Variants in TXLNB observed in about 807,000 individuals in gnomAD.
TXLNB encodes beta-taxilin.
TXLNB carries 37 observed loss-of-function variants against 57.4 expected under a neutral mutation model. The observed-to-expected ratio is 0.64, with a 90% CI of 0.50 to 0.85. The LOEUF (loss-of-function observed/expected upper bound fraction) is 0.85, where lower values mean the gene tolerates loss of function less well. Among genes scored for constraint, TXLNB ranks in the 40% least tolerant of loss-of-function variants. The pLI is 0.00. For synonymous variants in TXLNB, 302 were observed against 309.6 expected, an observed-to-expected ratio of 0.98 and a Z score of 0.26; for missense variants, 848 against 825.6, an observed-to-expected ratio of 1.03 and a Z score of -0.33.
intron 3 of TXLNB, among the ~76,000 whole-genome samples, chr6:139,272,272 G>A (rs9495403): frequency 0.046 from 6,928 of 152,006 alleles, 534 homozygotes; most frequent in African/African-American, 0.16. Flanking sequence ...GTGCCACTGC[G>A]CTCCAGCCTG....
the TXLNB span, among the ~76,000 whole-genome samples, chr6:139,215,675 C>T: frequency 6.6e-6 from 1 of 152,178 alleles, no homozygotes; most frequent in Non-Finnish European, 1.5e-5. Context: ...AAACTACCAT[C>T]AGAGTGAACA....
At chr6:139,247,135 T>C (rs535373007) in intron 8 of TXLNB, among the ~76,000 whole-genome samples, 3 of 152,050 alleles carry the variant, frequency 2.0e-5, no homozygotes, top group African/African-American at 7.2e-5. Flanking sequence ...ATATAAAAGT[T>C]TTTTGGTTTT....
the TXLNB span, among the ~76,000 whole-genome samples, chr6:139,175,676 G>C: frequency 6.6e-6 from 1 of 152,144 alleles, no homozygotes; most frequent in East Asian, 1.9e-4. Context: ...ACAAACTTGG[G>C]ATGTTTTACC....
At chr6:139,177,254 C>T in the TXLNB span, 1 of 553,552 alleles carries the variant, frequency 1.8e-6, no homozygotes, top group Non-Finnish European at 3.2e-6. This position sits in a 1 kb window ranked among gnomAD's most constrained non-coding sequence, Gnocchi z 4.9. Flanking sequence ...TAGGGGCTGC[C>T]CTTGCCCTGT....
the TXLNB span, among the ~76,000 whole-genome samples, chr6:139,202,833 G>A: frequency 2.2e-4 from 34 of 152,102 alleles, no homozygotes; most frequent in Non-Finnish European, 4.6e-4. Flanking sequence ...TTTTGTATCT[G>A]TAAACCGCCT....
the TXLNB span, among the ~76,000 whole-genome samples, chr6:139,171,252 T>C: frequency 1.3e-5 from 2 of 152,120 alleles, no homozygotes; most frequent in Admixed American, 1.3e-4. Context: ...AAGGAGGATA[T>C]GATAAACCCA....
At chr6:139,222,825 C>A in the TXLNB span, among the ~76,000 whole-genome samples, 2,317 of 152,124 alleles carry the variant, frequency 0.015, 48 homozygotes, top group African/African-American at 0.052. Context: ...ACAACAATAA[C>A]AACAAAAACA....
At chr6:139,309,915 T>C in the TXLNB span, among the ~76,000 whole-genome samples, 1 of 152,142 alleles carries the variant, frequency 6.6e-6, no homozygotes, top group Non-Finnish European at 1.5e-5. Context: ...CTGGAAAAAC[T>C]AGATTACCAT....
At chr6:139,313,299 C>G in the TXLNB span, among the ~76,000 whole-genome samples, 1 of 152,144 alleles carries the variant, frequency 6.6e-6, no homozygotes, top group Non-Finnish European at 1.5e-5. Context: ...GTCTCGATCT[C>G]CTGATCTTGT....
chr6:139,168,151 T>C, the TXLNB span, among the ~76,000 whole-genome samples: 4 of 152,216 alleles, frequency 2.6e-5, no homozygotes, highest in African/African-American at 9.7e-5. Flanking sequence ...GTTTTTGACA[T>C]CGTGATTGTA....
the TXLNB span, among the ~76,000 whole-genome samples, chr6:139,213,952 C>T: frequency 2.1e-4 from 32 of 152,258 alleles, no homozygotes; most frequent in Non-Finnish European, 4.1e-4. Flanking sequence ...TCTGAATAGA[C>T]CAATAACAGG....
the TXLNB span, among the ~76,000 whole-genome samples, chr6:139,205,381 C>A: frequency 6.6e-6 from 1 of 152,236 alleles, no homozygotes; most frequent in Non-Finnish European, 1.5e-5. Flanking sequence ...CCCGCCTCAG[C>A]CTCCCAAAGT....
chr6:139,281,410 T>C (rs1488291817), intron 2 of TXLNB, among the ~76,000 whole-genome samples: 2 of 152,092 alleles, frequency 1.3e-5, no homozygotes, highest in African/African-American at 4.8e-5. Context: ...AAATACCACC[T>C]AGCCTGTGTT....
At chr6:139,167,989 A>G in the TXLNB span, among the ~76,000 whole-genome samples, 8 of 152,242 alleles carry the variant, frequency 5.3e-5, no homozygotes, top group African/African-American at 9.6e-5. Context: ...ACTTCCATAA[A>G]GATGAGACAC....
intron 1 of TXLNB, among the ~76,000 whole-genome samples, chr6:139,289,753 T>G (rs1777264021): frequency 6.6e-6 from 1 of 152,216 alleles, no homozygotes; most frequent in Non-Finnish European, 1.5e-5. Context: ...TAACAATCAC[T>G]GGGGGTACAT....
At chr6:139,222,739 G>C in the TXLNB span, among the ~76,000 whole-genome samples, 3 of 152,164 alleles carry the variant, frequency 2.0e-5, no homozygotes, top group South Asian at 6.2e-4. Context: ...CCCGGGAGGT[G>C]GAGATCGCAG....
At chr6:139,167,305 T>C in the TXLNB span, 2 of 1,597,470 alleles carry the variant, frequency 1.3e-6, no homozygotes, top group Non-Finnish European at 1.7e-6. Flanking sequence ...TCGAATATGA[T>C]GTTCCTTGTC....
chr6:139,266,526 A>G (rs550302524), intron 4 of TXLNB, among the ~76,000 whole-genome samples: 2 of 152,298 alleles, frequency 1.3e-5, no homozygotes, highest in African/African-American at 4.8e-5. Flanking sequence ...AGATAGACCA[A>G]TCAAAATAAG....
At chr6:139,226,514 C>A in the TXLNB span, among the ~76,000 whole-genome samples, 1 of 151,962 alleles carries the variant, frequency 6.6e-6, no homozygotes, top group East Asian at 1.9e-4. Context: ...AAAAGGTAAA[C>A]CACAGCATAG....
Sources: allele counts gnomAD v4.1 joint callset (sites outside exome capture counted in the v4.1 genomes callset), GRCh38; gene constraint gnomAD v4.1.1; non-coding constraint Gnocchi (gnomAD v3.1); transcripts MANE v1.5; gene names NCBI Gene and HGNC (gene_info 2026-07-23, HGNC 2026-07-21).